Variants in NCAM2 observed in about 807,000 individuals in gnomAD.
The protein encoded by NCAM2 is N-CAM-2.
In NCAM2, 30 loss-of-function variants were observed where a neutral mutation model predicts 98.1. The observed-to-expected ratio is 0.31, with a 90% CI of 0.23 to 0.41. NCAM2 has a LOEUF of 0.41. NCAM2 is among the 10% of genes least tolerant of loss of function. The probability of loss-of-function intolerance (pLI) is 1.00; values close to 1 mark genes in which losing one functional copy is unlikely to be tolerated. For missense variants in NCAM2, 867 were observed against 1,005.8 expected, an observed-to-expected ratio of 0.86 and a Z score of 1.87; for synonymous variants, 368 against 342.4, an observed-to-expected ratio of 1.07 and a Z score of -0.83.
intron 5 of NCAM2, among the ~76,000 whole-genome samples, chr21:21,305,748 G>A (rs1240516407): frequency 6.6e-5 from 10 of 151,786 alleles, no homozygotes. Context: ...TTTTATCAGC[G>A]TGCCATCTGA....
At chr21:21,428,415 A>G (rs1380341206) in intron 11 of NCAM2, among the ~76,000 whole-genome samples, 1 of 152,214 alleles carries the variant, frequency 6.6e-6, no homozygotes, top group Non-Finnish European at 1.5e-5. Flanking sequence ...GGCTGAAAAG[A>G]TCGAGACTAA....
At position 21,439,176 on chromosome 21, in the gene NCAM2, C is replaced by T. The variant is rs548575846; in HGVS notation, c.1654+6895C>T. Among the ~76,000 whole-genome samples, 17 of 150,744 alleles carry T rather than the reference C, an allele frequency of 1.1e-4. 1 individual carries two copies. Among genetic ancestry groups the T allele is most frequent in the East Asian group, 7.8e-4 (4 of 5,106 alleles). ...TCTGTCCCCCAAGGCTGCATTGCAG[C>T]GGCACAATCATAGCTCACTACAACC... is the stretch of plus-strand genomic sequence containing the variant. On this transcript the variant is annotated intron_variant, in intron 12 of 17. Transcript: ENST00000400546.
At chr21:21,066,210 T>A (rs1406044507) in intron 1 of NCAM2, among the ~76,000 whole-genome samples, 1 of 152,224 alleles carries the variant, frequency 6.6e-6, no homozygotes, top group Non-Finnish European at 1.5e-5. Flanking sequence ...ATCATTTTCT[T>A]ACAAATGAAT....
intron 1 of NCAM2, among the ~76,000 whole-genome samples, chr21:21,057,246 G>GTTACATGGAA (rs1350443221): frequency 6.6e-6 from 1 of 152,010 alleles, no homozygotes. Flanking sequence ...GTTACATGGA[G>GTTACATGGAA]GTAGAAAAGA....
chr21:21,169,633 TG>T (rs922132816), intron 1 of NCAM2, among the ~76,000 whole-genome samples: 2 of 152,080 alleles, frequency 1.3e-5, no homozygotes, highest in Non-Finnish European at 2.9e-5. Context: ...GTCAAAACCC[TG>T]AGGAGACACC....
At chr21:21,432,325 C>T in intron 12 of NCAM2, 44 bp downstream of exon 12, 2 of 1,570,678 alleles carry the variant, frequency 1.3e-6, no homozygotes, top group African/African-American at 1.4e-5. Context: ...TCAAGCTGAT[C>T]TTCAGTATAC....
chr21:21,456,106 A>G (rs1178377755), intron 12 of NCAM2, among the ~76,000 whole-genome samples: 4 of 152,258 alleles, frequency 2.6e-5, no homozygotes, highest in South Asian at 2.1e-4. Flanking sequence ...GTGATTTGGT[A>G]TGTTCCATAG....
intron 9 of NCAM2, among the ~76,000 whole-genome samples, chr21:21,393,522 TAATA>T (rs1225870552): frequency 6.6e-6 from 1 of 152,180 alleles, no homozygotes; most frequent in Admixed American, 6.5e-5. Flanking sequence ...TTTATTAACC[TAATA>T]AGTATTGGAT....
intron 1 of NCAM2, among the ~76,000 whole-genome samples, chr21:21,023,491 T>C (rs1409319945): frequency 2.0e-5 from 3 of 150,934 alleles, no homozygotes. Context: ...GCCACTGCAC[T>C]CCAGTCTGGG....
At chr21:21,519,017 G>C (rs1988866545) in intron 16 of NCAM2, among the ~76,000 whole-genome samples, 1 of 152,074 alleles carries the variant, frequency 6.6e-6, no homozygotes, top group South Asian at 2.1e-4. Context: ...TCAAGGGACA[G>C]AACATTCTAG....
chr21:21,098,311 A>G (rs549036604), intron 1 of NCAM2, among the ~76,000 whole-genome samples: 1 of 151,820 alleles, frequency 6.6e-6, no homozygotes, highest in African/African-American at 2.4e-5. Context: ...TATAATGTCA[A>G]AATTTTAATG....
chr21:21,239,397 T>C (rs2070976332), intron 1 of NCAM2: 1 of 152,178 alleles, frequency 6.6e-6, no homozygotes, highest in Non-Finnish European at 1.5e-5. Flanking sequence ...CTGATGCCCA[T>C]CATCTATATA....
intron 9 of NCAM2, among the ~76,000 whole-genome samples, chr21:21,389,707 A>G (rs1602192186): frequency 6.6e-6 from 1 of 152,154 alleles, no homozygotes; most frequent in Admixed American, 6.5e-5. Flanking sequence ...TATTTCACTC[A>G]GTGTCCTCTG....
At chr21:21,357,882 C>T (rs2075535527) in intron 8 of NCAM2, among the ~76,000 whole-genome samples, 1 of 152,034 alleles carries the variant, frequency 6.6e-6, no homozygotes, top group Non-Finnish European at 1.5e-5. Context: ...TAATAAAATA[C>T]TTTAGCAAAT....
intron 5 of NCAM2, among the ~76,000 whole-genome samples, chr21:21,304,717 G>C (rs1394307727): frequency 2.0e-5 from 3 of 152,034 alleles, no homozygotes; most frequent in Non-Finnish European, 4.4e-5. Context: ...AGATCACTTT[G>C]AGAATAATTG....
intron 1 of NCAM2, among the ~76,000 whole-genome samples, chr21:21,093,138 G>C (rs1054211922): frequency 4.6e-5 from 7 of 152,094 alleles, no homozygotes; most frequent in African/African-American, 1.7e-4. Flanking sequence ...GTCAAGGTTT[G>C]AATAAGGTGA....
At chr21:21,379,729 T>C (rs919054750) in intron 9 of NCAM2, among the ~76,000 whole-genome samples, 2 of 152,132 alleles carry the variant, frequency 1.3e-5, no homozygotes, top group African/African-American at 4.8e-5. Flanking sequence ...GTAGTTGTTA[T>C]TGTGTTTTAA....
At chr21:21,272,252 A>G (rs1010794383) in intron 1 of NCAM2, among the ~76,000 whole-genome samples, 5 of 152,162 alleles carry the variant, frequency 3.3e-5, no homozygotes, top group Non-Finnish European at 1.5e-5. Context: ...TAAATTATAC[A>G]TTGTGATTAC....
chr21:21,360,680 CT>C (rs764229419), intron 8 of NCAM2, among the ~76,000 whole-genome samples: 42 of 148,208 alleles, frequency 2.8e-4, no homozygotes, highest in Admixed American at 6.1e-4. Flanking sequence ...ATATGCCAGT[CT>C]TTTTTTTTTC....
Sources: allele counts gnomAD v4.1 joint callset (sites outside exome capture counted in the v4.1 genomes callset), GRCh38; gene constraint gnomAD v4.1.1; transcripts MANE v1.5; gene names NCBI Gene and HGNC (gene_info 2026-07-23, HGNC 2026-07-21).